Variants in MCTP1 observed in about 807,000 individuals in gnomAD.
The protein encoded by MCTP1 is multiple C2 and transmembrane domain-containing protein 1.
In MCTP1, 69 loss-of-function variants were observed where a neutral mutation model predicts 120.6. The observed-to-expected ratio is 0.57, with a 90% CI of 0.47 to 0.70. The LOEUF is 0.70. Among genes scored for constraint, MCTP1 ranks in the 30% least tolerant of loss-of-function variants. The probability of loss-of-function intolerance (pLI) is 0.00; values close to 1 mark genes in which losing one functional copy is unlikely to be tolerated. For synonymous variants in MCTP1, 529 were observed against 493.1 expected (o/e 1.07, Z -0.96); for missense variants, 1,203 against 1,248.8 (o/e 0.96, Z 0.55).
intron 10 of MCTP1, among the ~76,000 whole-genome samples, chr5:94,896,753 T>A (rs1044361369): frequency 6.6e-6 from 1 of 152,236 alleles, no homozygotes; most frequent in African/African-American, 2.4e-5. Context: ...AAATGTCCTC[T>A]GAATTAGTTA....
intron 1 of MCTP1, among the ~76,000 whole-genome samples, chr5:95,170,385 C>T (rs1015312229): frequency 1.3e-4 from 20 of 152,342 alleles, no homozygotes; most frequent in African/African-American, 4.8e-4. Context: ...AATGTATATT[C>T]TGTTGATTTC....
chr5:94,870,406 T>G lies in MCTP1; in HGVS notation c.2316+11A>C, dbSNP rs373359985. 4 of 1,576,068 alleles carry G rather than the reference T, an allele frequency of 2.5e-6. No individual in the cohort carries two copies. Among genetic ancestry groups the G allele is most frequent in the Non-Finnish European group, 3.5e-6 (4 of 1,146,364 alleles). The stretch of plus-strand genomic sequence containing the variant: ...TCTTCCCAGAGGGATTAATCTTTTC[T>G]TGCTTTTTACCTGTTTAGAGAGTCT... On this transcript the variant is annotated intron_variant, in intron 16 of 22. Transcript: ENST00000515393.
At chr5:95,274,392 G>T (rs1324504536) in intron 1 of MCTP1, among the ~76,000 whole-genome samples, 1 of 152,104 alleles carries the variant, frequency 6.6e-6, no homozygotes, top group Non-Finnish European at 1.5e-5. Flanking sequence ...CAATGGAAAA[G>T]GGGTGCTTCT....
intron 19 of MCTP1, among the ~76,000 whole-genome samples, chr5:94,735,717 T>G (rs762522694): frequency 1.3e-5 from 2 of 152,226 alleles, no homozygotes; most frequent in Non-Finnish European, 2.9e-5. Flanking sequence ...ATGAATAACT[T>G]CTAAACTACT....
chr5:94,710,050 G>C (rs1215384278), intron 21 of MCTP1: 1 of 152,120 alleles, frequency 6.6e-6, no homozygotes, highest in Non-Finnish European at 1.5e-5. Context: ...GTGTAAGCAG[G>C]TGAGGGGTAA....
intron 5 of MCTP1, among the ~76,000 whole-genome samples, chr5:94,935,515 T>C (rs1815977180): frequency 1.3e-5 from 2 of 152,046 alleles, no homozygotes; most frequent in Admixed American, 1.3e-4. Context: ...ACATTAATGT[T>C]CTATTTCCTA....
chr5:95,187,851 T>C (rs1389396013), intron 1 of MCTP1, among the ~76,000 whole-genome samples: 1 of 152,110 alleles, frequency 6.6e-6, no homozygotes. Context: ...ATAGTACATT[T>C]AAAAATAACT....
chr5:94,726,622 A>G (rs1762179682), intron 19 of MCTP1, among the ~76,000 whole-genome samples: 1 of 152,138 alleles, frequency 6.6e-6, no homozygotes, highest in African/African-American at 2.4e-5. Context: ...AAATAATCAC[A>G]TCTTTTATAG....
In MCTP1 at chr5:94,868,368, A is replaced by T; in HGVS notation, c.2401T>A (p.Trp801Arg). Residue 801 changes from tryptophan (W) to arginine (R), a missense_variant, in exon 17 of 23, where the codon TGG becomes AGG. By Grantham distance (101) the Trp-to-Arg change is moderately radical. Coordinates refer to ENST00000515393, the MANE Select transcript of MCTP1 (RefSeq NM_024717.7). ...AAYYVNSCFD[W>R]DSPPRSLAAF... ...GCGAGACTCCTTGGGGGTGAATCCCAATCAAAGCAACTATTAACGTAGTAT... is the reference window on the plus strand; with the variant it reads ...GCGAGACTCCTTGGGGGTGAATCCCTATCAAAGCAACTATTAACGTAGTAT... 1 of 1,607,994 alleles carries T rather than the reference A, an allele frequency of 6.2e-7. No individual in the cohort carries two copies. Among genetic ancestry groups the T allele is most frequent in the South Asian group, 1.1e-5 (1 of 90,220 alleles).
At chr5:94,793,167 T>C (rs2152993800) in intron 18 of MCTP1, among the ~76,000 whole-genome samples, 1 of 152,238 alleles carries the variant, frequency 6.6e-6, no homozygotes, top group South Asian at 2.1e-4. Context: ...AGAAATCTTG[T>C]TGGTGCAAAT....
At chr5:94,929,319 G>C (rs944003222) in intron 6 of MCTP1, among the ~76,000 whole-genome samples, 7 of 152,084 alleles carry the variant, frequency 4.6e-5, no homozygotes, top group Non-Finnish European at 1.5e-5. Flanking sequence ...TCAAAGACAG[G>C]CTGCATGCCA....
chr5:94,817,952 T>A (rs952873124), intron 17 of MCTP1, among the ~76,000 whole-genome samples: 2 of 152,188 alleles, frequency 1.3e-5, no homozygotes, highest in Admixed American at 6.5e-5. Context: ...GGTGGACATT[T>A]GACCCAGACC....
rs1029026253 is a variant in MCTP1 at position 94,771,993 on chromosome 5, G to A, written c.2610+7117C>T. Among the ~76,000 whole-genome samples the A allele has an allele frequency of 7.2e-5, 11 of 152,010 alleles. 1 individual carries two copies. The East Asian group carries it at 1.2e-3, about 16-fold the overall frequency. ...GAGACATTTTCTTGGCTTGTGGCCC[G>A]CTTCCTCCATCTCCAAAGCCAGCAA... On this transcript the variant is annotated intron_variant, in intron 19 of 22. Coordinates refer to ENST00000515393, the MANE Select transcript of MCTP1 (RefSeq NM_024717.7).
intron 9 of MCTP1, among the ~76,000 whole-genome samples, chr5:94,909,872 A>T (rs771431178): frequency 1.3e-5 from 2 of 152,064 alleles, no homozygotes; most frequent in Non-Finnish European, 2.9e-5. Flanking sequence ...CTGTGAGAGC[A>T]GGAGAAAAAC....
In MCTP1 at chr5:94,706,691, G is replaced by GTACT. The variant is rs997472188; in HGVS notation, c.*801_*804dup. On this transcript the variant is annotated 3_prime_UTR_variant, in exon 23 of 23. Coordinates refer to ENST00000515393, the MANE Select transcript of MCTP1 (RefSeq NM_024717.7). ...TAGTTTCCTAGTATTTTTGATAACT[G>GTACT]TACTTACTGGGTTGCTAATTTGCTA... 10 of 151,110 alleles carry GTACT rather than the reference G, an allele frequency of 6.6e-5. No homozygotes were observed. Among genetic ancestry groups the GTACT allele is most frequent in the African/African-American group, 2.4e-4 (10 of 41,138 alleles). 9.4% of individuals were successfully genotyped at this position (151,110 alleles called of 1,614,324 possible). A position where few individuals can be genotyped will look rare whatever the true frequency, so the allele number is the denominator to read the frequency against.
At chr5:95,268,630 T>G (rs569966467) in intron 1 of MCTP1, among the ~76,000 whole-genome samples, 89 of 152,342 alleles carry the variant, frequency 5.8e-4, no homozygotes, top group African/African-American at 2.0e-3. Flanking sequence ...GGAGTTTATC[T>G]AAATAGCTTA....
intron 1 of MCTP1, among the ~76,000 whole-genome samples, chr5:95,204,605 T>C (rs1751420545): frequency 6.6e-6 from 1 of 152,150 alleles, no homozygotes; most frequent in Non-Finnish European, 1.5e-5. Flanking sequence ...GCAAATGACA[T>C]GGTCTTGAAT....
intron 2 of MCTP1, among the ~76,000 whole-genome samples, chr5:95,008,405 T>C (rs1429260591): frequency 1.3e-5 from 2 of 152,132 alleles, no homozygotes; most frequent in Admixed American, 6.6e-5. Context: ...TCATGGTCAT[T>C]GAATAAAGAA....
rs3030518 is a variant in MCTP1, at chr5:94,947,577, T to TAG, written c.982-5152_982-5151dup. On this transcript the variant is annotated intron_variant, in intron 3 of 22. Transcript: ENST00000515393. ...CTAAATATATATATATATATATATA[T>TAG]AGAGAGAGAGAGAGAGAGAGAGAGA... 2.4e-3 allele frequency among the ~76,000 whole-genome samples: 116 copies of TAG among 47,356 alleles called. 4 individuals are homozygous for TAG. The highest frequency in any genetic ancestry group is 3.1e-3 in the Non-Finnish European group (78 of 25,000). The allele number at this position is 47,356 out of a possible 152,430, so 31.1% of individuals were successfully genotyped here. A position where few individuals can be genotyped will look rare whatever the true frequency, so the allele number is the denominator to read the frequency against.
Sources: allele counts gnomAD v4.1 joint callset (sites outside exome capture counted in the v4.1 genomes callset), GRCh38; gene constraint gnomAD v4.1.1; transcripts MANE v1.5; gene names NCBI Gene and HGNC (gene_info 2026-07-23, HGNC 2026-07-21).